Variants in MACC1 observed in about 807,000 individuals in gnomAD.
MACC1 encodes metastasis-associated in colon cancer protein 1.
In MACC1, 79 loss-of-function variants were observed where a neutral mutation model predicts 70.7. The ratio of observed to expected loss-of-function variants is 1.12; its 90% CI spans 0.93 to 1.35. The LOEUF is 1.35. MACC1 is among the 40% of genes most tolerant of loss of function. The probability of loss-of-function intolerance (pLI) is 0.00; values close to 1 mark genes in which losing one functional copy is unlikely to be tolerated. For synonymous variants in MACC1, 361 were observed against 347.2 expected (o/e 1.04, Z -0.44); for missense variants, 1,106 against 978.1 (o/e 1.13, Z -1.74).
intron 1 of MACC1, among the ~76,000 whole-genome samples, chr7:20,204,011 A>T (rs983564574): frequency 2.0e-5 from 3 of 152,238 alleles, no homozygotes; most frequent in Non-Finnish European, 4.4e-5. Context: ...TAGAAGTTAC[A>T]TGTATGTACA....
At chr7:20,158,146 T>A in intron 5 of MACC1, 58 bp downstream of exon 5, 1 of 1,509,094 alleles carries the variant, frequency 6.6e-7, no homozygotes, top group Non-Finnish European at 8.8e-7. Flanking sequence ...GTTATAAATA[T>A]TGTCAAGTTA....
intron 6 of MACC1, among the ~76,000 whole-genome samples, chr7:20,152,225 C>T (rs1456997950): frequency 6.6e-6 from 1 of 152,026 alleles, no homozygotes; most frequent in Non-Finnish European, 1.5e-5. Flanking sequence ...GGAGTGTGTG[C>T]CCTCTGAGGA....
intron 1 of MACC1, among the ~76,000 whole-genome samples, chr7:20,195,333 TTA>T (rs1287041308): frequency 2.6e-5 from 4 of 152,226 alleles, no homozygotes; most frequent in Admixed American, 2.6e-4. Flanking sequence ...TCATAAAAGA[TTA>T]TAGCCTTCAA....
chr7:20,186,001 C>T (rs114958621), intron 1 of MACC1, among the ~76,000 whole-genome samples: 2,435 of 152,080 alleles, frequency 0.016, 71 homozygotes, highest in African/African-American at 0.056. Context: ...CACACAAAGT[C>T]GCATATGGCG....
At chr7:20,183,858 C>T (rs1486987744) in intron 1 of MACC1, among the ~76,000 whole-genome samples, 1 of 152,050 alleles carries the variant, frequency 6.6e-6, no homozygotes, top group Non-Finnish European at 1.5e-5. Flanking sequence ...CAGGCGCCCG[C>T]CACCATGCCC....
rs541557830 is a variant in MACC1 at position 20,196,546 on chromosome 7, G to A, written c.-218+20753C>T. 3.4e-3 allele frequency among the ~76,000 whole-genome samples: 516 copies of A among 152,070 alleles called. 2 individuals carry two copies. The highest frequency in any genetic ancestry group is 0.012 in the South Asian group (58 of 4,818). On this transcript the variant is annotated intron_variant, in intron 1 of 6. Transcript: ENST00000400331. ...CATCCAGTCACACTGGAGAAAGATA[G>A]TGTATAAATTTATAACAATGGGCCG...
In MACC1 at chr7:20,136,241, C is replaced by A. The variant is rs1034225494; in HGVS notation, c.*4705G>T. The A allele has an allele frequency of 2.6e-5, 4 of 152,186 alleles. No homozygotes were observed. Among genetic ancestry groups the A allele is most frequent in the Non-Finnish European group, 5.9e-5 (4 of 68,034 alleles). The allele number at this position is 152,186 out of a possible 1,614,324, so 9.4% of individuals were successfully genotyped here. A position where few individuals can be genotyped will look rare whatever the true frequency, so the allele number is the denominator to read the frequency against. ...AAAGATTAGAAACCGCAGCTCTCAACTCTTTGACTAGTGTCTTGTAGAGGA... is the reference window on the plus strand; with the variant it reads ...AAAGATTAGAAACCGCAGCTCTCAAATCTTTGACTAGTGTCTTGTAGAGGA... On this transcript the variant is annotated 3_prime_UTR_variant, in exon 7 of 7. Coordinates refer to ENST00000400331, the MANE Select transcript of MACC1 (RefSeq NM_182762.4).
At chr7:20,177,353 C>A (rs1007491687) in intron 1 of MACC1, among the ~76,000 whole-genome samples, 3 of 152,026 alleles carry the variant, frequency 2.0e-5, no homozygotes, top group Admixed American at 6.6e-5. Flanking sequence ...CTATTTTATA[C>A]CTGTTTAATT....
intron 6 of MACC1, among the ~76,000 whole-genome samples, chr7:20,143,351 G>A (rs1583377838): frequency 1.3e-5 from 2 of 152,238 alleles, no homozygotes; most frequent in Non-Finnish European, 2.9e-5. Context: ...ACCACATAAC[G>A]TCCTCACATT....
chr7:20,157,169 G>C (rs1308511438), intron 5 of MACC1, among the ~76,000 whole-genome samples: 1 of 152,164 alleles, frequency 6.6e-6, no homozygotes, highest in African/African-American at 2.4e-5. Flanking sequence ...ACCCCATAGA[G>C]TTGTTAATGG....
chr7:20,157,584 G>A (rs1782073077), intron 5 of MACC1, among the ~76,000 whole-genome samples: 1 of 149,254 alleles, frequency 6.7e-6, no homozygotes, highest in African/African-American at 2.5e-5. Flanking sequence ...AGGAGTTCAA[G>A]AGCATCTTGG....
At chr7:20,185,009 A>T (rs1316077395) in intron 1 of MACC1, 1 of 152,186 alleles carries the variant, frequency 6.6e-6, no homozygotes, top group African/African-American at 2.4e-5. Context: ...AGATTCTTTG[A>T]TTATGATTCA....
chr7:20,180,400 G>A (rs978782700), intron 1 of MACC1, among the ~76,000 whole-genome samples: 4 of 149,722 alleles, frequency 2.7e-5, no homozygotes, highest in African/African-American at 4.9e-5. Context: ...CCGAGATTGC[G>A]CCACTGTACT....
intron 6 of MACC1, chr7:20,153,555 T>C (rs1368463231): frequency 6.6e-6 from 1 of 152,144 alleles, no homozygotes; most frequent in South Asian, 2.1e-4. Context: ...TGGAGAAAAA[T>C]ATGTGTTTAA....
chr7:20,158,591 A>T lies in MACC1; in HGVS notation c.1770T>A (p.Gly590=), dbSNP rs1375218442. 8 of 1,614,040 alleles carry T rather than the reference A, an allele frequency of 5.0e-6. No homozygotes were observed. Among genetic ancestry groups the T allele is most frequent in the Non-Finnish European group, 6.8e-6 (8 of 1,179,972 alleles). ...LLGEGKVKAI[G]QSKVKEWYVG... is the part of the protein sequence containing the mutation. ...CATACCATTCTTTCACTTTGGACTG[A>T]CCAATAGCTTTTACCTTACCTTCCC... is the stretch of plus-strand genomic sequence containing the variant. The change falls in exon 5 of 7, where the codon GGT becomes GGA. Residue 590 remains glycine, a synonymous_variant. Transcript: ENST00000400331.
chr7:20,196,008 G>A (rs1356823104), intron 1 of MACC1, among the ~76,000 whole-genome samples: 1 of 151,952 alleles, frequency 6.6e-6, no homozygotes, highest in Non-Finnish European at 1.5e-5. Flanking sequence ...GGGATGGGGT[G>A]TAACAAAGCG....
chr7:20,153,830 C>T (rs1782015795), intron 6 of MACC1, among the ~76,000 whole-genome samples: 1 of 152,094 alleles, frequency 6.6e-6, no homozygotes, highest in Non-Finnish European at 1.5e-5. Context: ...ATCATTATGT[C>T]TTCCTCTATT....
chr7:20,196,774 A>G (rs1332006055), intron 1 of MACC1, among the ~76,000 whole-genome samples: 2 of 152,170 alleles, frequency 1.3e-5, no homozygotes, highest in Non-Finnish European at 2.9e-5. Flanking sequence ...CTCAAATGAA[A>G]TATGCCCCAA....
At chr7:20,160,777 A>C (rs920742508) in intron 4 of MACC1, among the ~76,000 whole-genome samples, 1 of 152,112 alleles carries the variant, frequency 6.6e-6, no homozygotes, top group African/African-American at 2.4e-5. Context: ...AATATTTAAA[A>C]TAACGTTTAA....
Sources: allele counts gnomAD v4.1 joint callset (sites outside exome capture counted in the v4.1 genomes callset), GRCh38; gene constraint gnomAD v4.1.1; transcripts MANE v1.5; gene names NCBI Gene and HGNC (gene_info 2026-07-23, HGNC 2026-07-21).